Variants in ABCB9 observed in about 807,000 individuals in gnomAD.
ABCB9 encodes the protein ATP binding cassette subfamily B member 9.
A neutral mutation model predicts 62.0 loss-of-function variants in ABCB9; 36 were observed. The ratio of observed to expected loss-of-function variants is 0.58; its 90% confidence interval spans 0.45 to 0.77. ABCB9 has a LOEUF of 0.77. Among genes scored for constraint, ABCB9 ranks in the 30% least tolerant of loss-of-function variants. ABCB9 has a pLI of 0.00. For synonymous variants in ABCB9, 435 were observed against 461.4 expected (o/e 0.94, Z 0.73); for missense variants, 943 against 1,054.7 (o/e 0.89, Z 1.47).
chr12:122,949,374 G>A (rs1039547128), intron 4 of ABCB9: 2 of 190,400 alleles, frequency 1.1e-5, no homozygotes, highest in Non-Finnish European at 1.1e-5. Context: ...GACCCAGGCC[G>A]GTGTCTCTCA....
upstream of ABCB9, among the ~76,000 whole-genome samples, chr12:122,969,584 A>T (rs1311874620): frequency 6.6e-6 from 1 of 152,290 alleles, no homozygotes; most frequent in East Asian, 1.9e-4. Context: ...AACAATTTAA[A>T]AAATTAGCTG....
At chr12:122,966,667 C>G (rs2037192985), upstream of ABCB9, among the ~76,000 whole-genome samples, 1 of 152,240 alleles carries the variant, frequency 6.6e-6, no homozygotes, top group Admixed American at 6.5e-5. Context: ...GGCGGGGCCA[C>G]AGCTGGCCAC....
chr12:122,953,634 C>T (rs1056672077), intron 2 of ABCB9, among the ~76,000 whole-genome samples: 2 of 152,170 alleles, frequency 1.3e-5, no homozygotes, highest in Non-Finnish European at 2.9e-5. Flanking sequence ...GATCCACCTG[C>T]CTTGGCCTCC....
Position 122,971,946 on chromosome 12 carries a change from A to G in ABCB9, c.-88+2769T>C, listed in dbSNP as rs1464808375. 3.9e-5 allele frequency among the ~76,000 whole-genome samples: 6 copies of G among 152,024 alleles called. No individual in the cohort carries two copies. In the East Asian group the frequency reaches 9.6e-4, roughly 24 times the overall value. On this transcript the variant is annotated intron_variant, in intron 1 of 11. Coordinates refer to the ABCB9 transcript ENST00000392439. Reference sequence around the variant, plus strand: ...CCTAAAACTGATCTTAAAAAAAAGGAAATCTATTAAAAGTGGTTAAAATGG... The same window carrying G: ...CCTAAAACTGATCTTAAAAAAAAGGGAATCTATTAAAAGTGGTTAAAATGG...
In ABCB9 at chr12:122,930,226, G is replaced by C; in HGVS notation, c.2041-55C>G. The stretch of plus-strand genomic sequence containing the variant: ...TGGCACGGACGCCCCACCCGCAACC[G>C]TGCTTCATGCCACGGCCTATGGGCT... On this transcript the variant is annotated intron_variant, in intron 11 of 11. Coordinates refer to ENST00000280560, the MANE Select transcript of ABCB9 (RefSeq NM_019625.4). This position sits in a 1 kb window ranked among gnomAD's most constrained non-coding sequence, Gnocchi z 4.9. 6.8e-7 allele frequency: 1 copy of C among 1,477,464 alleles called. No individual in the cohort carries two copies. The highest frequency in any genetic ancestry group is 9.1e-7 in the Non-Finnish European group (1 of 1,100,016). The allele number at this position is 1,477,464 out of a possible 1,614,324, so 91.5% of individuals were successfully genotyped here. A position where few individuals can be genotyped will look rare whatever the true frequency, so the allele number is the denominator to read the frequency against.
At chr12:122,968,064 T>C (rs1254285559), upstream of ABCB9, among the ~76,000 whole-genome samples, 2 of 150,302 alleles carry the variant, frequency 1.3e-5, no homozygotes, top group African/African-American at 5.0e-5. Flanking sequence ...CAGAATACTC[T>C]GTAGCCAGAA....
intron 7 of ABCB9, among the ~76,000 whole-genome samples, chr12:122,943,651 T>TG (rs1417460197): frequency 1.3e-5 from 2 of 152,066 alleles, no homozygotes; most frequent in Non-Finnish European, 2.9e-5. Flanking sequence ...TTTTTTGAGA[T>TG]GGAGTTTCGC....
Position 122,959,787 on chromosome 12 carries a change from C to T in ABCB9, c.449G>A (p.Gly150Glu), listed in dbSNP as rs2036795825. ...VRPGTQALEPGAATEAEGFPG... is the reference protein window; with the variant it reads ...VRPGTQALEPEAATEAEGFPG... ...GAAGCCCTCAGCCTCGGTGGCCGCC[C>T]CTGGCTCCAGGGCCTGGGTGCCTGG... Residue 150 changes from glycine to glutamate, a missense_variant, in exon 2 of 12, where the codon GGG becomes GAG. By Grantham distance (98) the Gly-to-Glu change is moderately conservative. Coordinates refer to ENST00000280560, the MANE Select transcript of ABCB9 (RefSeq NM_019625.4). This position sits in a 1 kb window ranked among gnomAD's most constrained non-coding sequence, Gnocchi z 5.4. 1 of 1,611,978 alleles carries T rather than the reference C, an allele frequency of 6.2e-7. No individual in the cohort carries two copies. Among genetic ancestry groups the T allele is most frequent in the East Asian group, 2.2e-5 (1 of 44,842 alleles).
chr12:122,923,621 C>A (rs919283723), intron 11 of ABCB9, among the ~76,000 whole-genome samples: 1 of 152,150 alleles, frequency 6.6e-6, no homozygotes, highest in Non-Finnish European at 1.5e-5. Flanking sequence ...ATTTTTAATT[C>A]TTAATTGTTA....
chr12:122,948,087 C>T (rs930934492), intron 5 of ABCB9: 18 of 152,746 alleles, frequency 1.2e-4, no homozygotes, highest in African/African-American at 4.1e-4. Flanking sequence ...CATGCGCCAC[C>T]AAGCCCAGCT....
intron 4 of ABCB9, chr12:122,949,427 G>A (rs1223065148): frequency 1.4e-5 from 3 of 220,756 alleles, no homozygotes; most frequent in Admixed American, 5.1e-5. Flanking sequence ...TCCCCGTTGT[G>A]GCCCCTGGCC....
chr12:122,939,825 T>A (rs562438053), intron 9 of ABCB9: 164 of 310,444 alleles, frequency 5.3e-4, no homozygotes, highest in African/African-American at 3.5e-3. Flanking sequence ...GGCCATCACA[T>A]CTGCCCTTTT....
At chr12:122,927,474 C>T (rs1019494801), downstream of ABCB9, among the ~76,000 whole-genome samples, 1 of 152,158 alleles carries the variant, frequency 6.6e-6, no homozygotes, top group African/African-American at 2.4e-5. Context: ...CTGGCCTAAA[C>T]ATTACTTTTT....
intron 9 of ABCB9, among the ~76,000 whole-genome samples, chr12:122,938,198 C>T (rs529722981): frequency 6.6e-6 from 1 of 152,296 alleles, no homozygotes; most frequent in Non-Finnish European, 1.5e-5. Flanking sequence ...ACATCCCACA[C>T]TGGTATTTTT....
intron 2 of ABCB9, among the ~76,000 whole-genome samples, chr12:122,958,383 G>A (rs544906235): frequency 2.6e-4 from 39 of 152,240 alleles, no homozygotes; most frequent in African/African-American, 9.4e-4. Flanking sequence ...GGTGAGAGGT[G>A]GGGGAGTGAT....
At chr12:122,941,366 T>C (rs545030295) in intron 7 of ABCB9, among the ~76,000 whole-genome samples, 1 of 150,846 alleles carries the variant, frequency 6.6e-6, no homozygotes, top group African/African-American at 2.4e-5. Flanking sequence ...CTGGAGTGCA[T>C]TGGTGCAATC....
chr12:122,939,169 T>G (rs2035610937), intron 9 of ABCB9, among the ~76,000 whole-genome samples: 1 of 152,000 alleles, frequency 6.6e-6, no homozygotes, highest in African/African-American at 2.4e-5. Context: ...AAGACTCATC[T>G]CAAAAAACAA....
rs1304483765 is a variant in ABCB9, at chr12:122,929,446, T to C, written c.*465A>G. 3.0e-6 allele frequency: 3 copies of C among 988,102 alleles called. No homozygotes were observed. The highest frequency in any genetic ancestry group is 3.6e-6 in the Non-Finnish European group (3 of 831,688). 61.2% of individuals were successfully genotyped at this position (988,102 alleles called of 1,614,324 possible). ...CCCTCCGGGACAGGGAAGCCCCTTC[T>C]CTGGAGGGGTAAAGGGGAGAGGCCT... On this transcript the variant is annotated 3_prime_UTR_variant, in exon 12 of 12. Transcript: ENST00000280560. The surrounding 1 kb of genome is among the most constrained non-coding windows in gnomAD (Gnocchi z 6.0).
chr12:122,943,241 T>C (rs2035859937), intron 7 of ABCB9, among the ~76,000 whole-genome samples: 1 of 152,166 alleles, frequency 6.6e-6, no homozygotes, highest in South Asian at 2.1e-4. Context: ...CCCACACTGG[T>C]AACTGGCTCC....
Sources: gnomAD v4.1 joint callset for allele counts (sites outside exome capture counted in the v4.1 genomes callset) on GRCh38, gnomAD v4.1.1 for gene constraint, Gnocchi (gnomAD v3.1) non-coding constraint, MANE v1.5 for transcripts, NCBI Gene and HGNC (gene_info 2026-07-23, HGNC 2026-07-21) for gene names.